DPP6: variants seen among roughly 807,000 people sequenced by gnomAD.
DPP6 encodes the protein A-type potassium channel modulatory protein DPP6.
DPP6 carries 69 observed loss-of-function variants against 122.6 expected under a neutral mutation model. The observed-to-expected ratio is 0.56, with a 90% CI of 0.46 to 0.69. The LOEUF is 0.69. Ranked by LOEUF, DPP6 falls within the 30% of genes least tolerant of loss-of-function variation. The pLI is 0.00. For synonymous variants in DPP6, 418 were observed against 433.1 expected, an observed-to-expected ratio of 0.97 and a Z score of 0.43; for missense variants, 928 against 1,116.9, an observed-to-expected ratio of 0.83 and a Z score of 2.41.
chr7:153,890,887 G>A (rs1308564358), intron 1 of DPP6, among the ~76,000 whole-genome samples: 3 of 148,396 alleles, frequency 2.0e-5, no homozygotes, highest in Middle Eastern at 3.4e-3. Context: ...TAGTAGAGAC[G>A]GGGTTTCATC....
chr7:154,847,436 C>G (rs1802029058), intron 16 of DPP6, among the ~76,000 whole-genome samples: 1 of 152,098 alleles, frequency 6.6e-6, no homozygotes, highest in Admixed American at 6.5e-5. Context: ...GACATCGTAG[C>G]TATTTGTTAT....
At chr7:154,791,701 C>G (rs903478427) in intron 10 of DPP6, among the ~76,000 whole-genome samples, 2 of 152,172 alleles carry the variant, frequency 1.3e-5, no homozygotes, top group African/African-American at 4.8e-5. Context: ...CTTCTAAAGC[C>G]ATGAAGCAGG....
At chr7:153,823,125 TCTATCACGTAA>T in the DPP6 span, among the ~76,000 whole-genome samples, 1 of 151,792 alleles carries the variant, frequency 6.6e-6, no homozygotes, top group Non-Finnish European at 1.5e-5. Flanking sequence ...CCTTCCTAAT[TCTATCACGTAA>T]CTACCTTCTT....
At chr7:154,530,393 TA>T (rs1336261322) in intron 3 of DPP6, among the ~76,000 whole-genome samples, 2 of 151,914 alleles carry the variant, frequency 1.3e-5, no homozygotes, top group African/African-American at 4.8e-5. Flanking sequence ...CAGCTCAATC[TA>T]AAGCACATCA....
chr7:154,049,551 C>T (rs1800189984), upstream of DPP6, among the ~76,000 whole-genome samples: 1 of 135,870 alleles, frequency 7.4e-6, no homozygotes, highest in Non-Finnish European at 1.6e-5. Context: ...GGTGCATAAA[C>T]GTGCATGCAC....
intron 25 of DPP6, chr7:154,890,802 G>A (rs910888492): frequency 6.6e-6 from 1 of 152,172 alleles, no homozygotes; most frequent in Non-Finnish European, 1.5e-5. Context: ...ATATCCTCTT[G>A]TACTACTTGA....
intron 16 of DPP6, among the ~76,000 whole-genome samples, chr7:154,851,601 T>C (rs1381573049): frequency 6.6e-6 from 1 of 152,190 alleles, no homozygotes; most frequent in Non-Finnish European, 1.5e-5. Context: ...GCTGCCTCTT[T>C]GGGTATAAAT....
At chr7:153,935,974 TCAG>T (rs1214694681) in intron 1 of DPP6, among the ~76,000 whole-genome samples, 8 of 152,244 alleles carry the variant, frequency 5.3e-5, no homozygotes, top group African/African-American at 1.9e-4. Flanking sequence ...GATGATCTAA[TCAG>T]CAGTCTGAAA....
intron 1 of DPP6, among the ~76,000 whole-genome samples, chr7:154,086,775 C>T (rs1368201102): frequency 2.0e-5 from 3 of 152,062 alleles, no homozygotes; most frequent in East Asian, 3.9e-4. Flanking sequence ...CCCATCACCA[C>T]GCCCGGCTAA....
intron 2 of DPP6, among the ~76,000 whole-genome samples, chr7:154,455,444 C>T (rs77155197): frequency 0.041 from 6,182 of 152,206 alleles, 404 homozygotes; most frequent in African/African-American, 0.14. Flanking sequence ...GTCTACATTC[C>T]TTGAACATGA....
chr7:154,530,271 G>A (rs750127278), intron 3 of DPP6, among the ~76,000 whole-genome samples: 1 of 152,038 alleles, frequency 6.6e-6, no homozygotes, highest in African/African-American at 2.4e-5. Context: ...GAGAGAAAAT[G>A]GATAAAGAAG....
At chr7:153,766,791 A>G in the DPP6 span, among the ~76,000 whole-genome samples, 251 of 152,334 alleles carry the variant, frequency 1.6e-3, no homozygotes, top group African/African-American at 5.8e-3. Flanking sequence ...CATTATAAAA[A>G]CAATAAAAGT....
At chr7:153,800,531 T>C in the DPP6 span, among the ~76,000 whole-genome samples, 3 of 152,284 alleles carry the variant, frequency 2.0e-5, no homozygotes, top group Non-Finnish European at 2.9e-5. Flanking sequence ...AACGAAACTT[T>C]TTTTTAATGG....
intron 1 of DPP6, among the ~76,000 whole-genome samples, chr7:154,276,694 C>G (rs891723188): frequency 3.9e-5 from 6 of 152,098 alleles, no homozygotes; most frequent in Non-Finnish European, 8.8e-5. Flanking sequence ...TATAAGGTTG[C>G]CACAAAGGCA....
At chr7:154,754,454 A>C (rs901743075) in intron 8 of DPP6, among the ~76,000 whole-genome samples, 3 of 152,204 alleles carry the variant, frequency 2.0e-5, no homozygotes, top group African/African-American at 7.2e-5. Context: ...CACAATCTCA[A>C]TTATTTTTAA....
At chr7:154,783,954 G>A (rs1563206475) in intron 10 of DPP6, among the ~76,000 whole-genome samples, 1 of 152,140 alleles carries the variant, frequency 6.6e-6, no homozygotes, top group South Asian at 2.1e-4. Flanking sequence ...TCCAAGAGGA[G>A]CTTTCTTGGA....
intron 8 of DPP6, among the ~76,000 whole-genome samples, chr7:154,762,523 C>T (rs1275375437): frequency 6.6e-6 from 1 of 152,248 alleles, no homozygotes; most frequent in Non-Finnish European, 1.5e-5. Context: ...GTGTGCCCCA[C>T]GGCCTTCCGC....
At chr7:154,285,326 G>A (rs924593179) in intron 1 of DPP6, among the ~76,000 whole-genome samples, 1 of 152,042 alleles carries the variant, frequency 6.6e-6, no homozygotes, top group Admixed American at 6.6e-5. Context: ...GTGCAGTGGC[G>A]CAGTCTTGGC....
rs1000877932 is a variant in DPP6 at position 154,821,381 on chromosome 7, G to C, written c.1666+14269G>C. Among the ~76,000 whole-genome samples the C allele has an allele frequency of 1.3e-5, 2 of 150,348 alleles. No homozygotes were observed. Among genetic ancestry groups the C allele is most frequent in the Non-Finnish European group, 3.0e-5 (2 of 67,782 alleles). ...TCCTTATCTGCCTTCAGTCCTTTTT[G>C]CCACTAGATCCAACATGGATAGACA... On this transcript the variant is annotated intron_variant, in intron 16 of 25. Coordinates refer to ENST00000377770, the MANE Select transcript of DPP6 (RefSeq NM_130797.4). The surrounding 1 kb of genome is among the most constrained non-coding windows in gnomAD (Gnocchi z 4.2).
Sources: allele counts gnomAD v4.1 joint callset (sites outside exome capture counted in the v4.1 genomes callset), GRCh38; gene constraint gnomAD v4.1.1; non-coding constraint Gnocchi (gnomAD v3.1); transcripts MANE v1.5; gene names NCBI Gene and HGNC (gene_info 2026-07-23, HGNC 2026-07-21).